The following SOBP variants were observed in gnomAD, a reference collection of about 807,000 sequenced individuals.
SOBP encodes the protein sine oculis-binding protein homolog.
In SOBP, 4 loss-of-function variants were observed where a neutral mutation model predicts 53.6. The observed-to-expected ratio is 0.07, with a 90% confidence interval of 0.04 to 0.17. SOBP has a LOEUF of 0.17. Ranked by LOEUF, SOBP falls within the 10% of genes least tolerant of loss-of-function variation. The pLI, the probability that SOBP is intolerant of heterozygous loss-of-function variation, is 1.00. For synonymous variants in SOBP, 584 were observed against 522.6 expected, an observed-to-expected ratio of 1.12 and a Z score of -1.60; for missense variants, 1,088 against 1,204.7, an observed-to-expected ratio of 0.90 and a Z score of 1.43.
At position 107,649,163 on chromosome 6, in the gene SOBP, CAAAAAAAAAAAA is replaced by C. The variant is rs61034738; in HGVS notation, c.*4-9028_*4-9017del. Among the ~76,000 whole-genome samples, 12 of 40,416 alleles carry C rather than the reference CAAAAAAAAAAAA, an allele frequency of 3.0e-4. No homozygotes were observed. The East Asian group carries it at 3.2e-3, about 11-fold the overall frequency. 26.5% of individuals were successfully genotyped at this position (40,416 alleles called of 152,430 possible). A position where few individuals can be genotyped will look rare whatever the true frequency, so the allele number is the denominator to read the frequency against. The stretch of plus-strand genomic sequence containing the variant: ...CAAGACCTTGCCCCGCCCCCACTAC[CAAAAAAAAAAAA>C]AAAAAAAAAAAAAAACCATCAGGAG... On this transcript the variant is annotated intron_variant, in intron 6 of 6. Coordinates refer to ENST00000317357, the MANE Select transcript of SOBP (RefSeq NM_018013.4).
intron 5 of SOBP, among the ~76,000 whole-genome samples, chr6:107,622,098 T>C (rs1770205832): frequency 6.6e-6 from 1 of 152,228 alleles, no homozygotes; most frequent in South Asian, 2.1e-4. Context: ...ACCTTACCTT[T>C]GTAATAATAC....
intron 6 of SOBP, among the ~76,000 whole-genome samples, chr6:107,638,273 C>T (rs904839088): frequency 6.6e-6 from 1 of 152,204 alleles, no homozygotes; most frequent in Non-Finnish European, 1.5e-5. Flanking sequence ...CGCAGTGGCG[C>T]GACCTTGGCT....
chr6:107,572,402 C>G (rs540185004), intron 4 of SOBP, among the ~76,000 whole-genome samples: 1 of 151,478 alleles, frequency 6.6e-6, no homozygotes, highest in African/African-American at 2.4e-5. Flanking sequence ...CTCCTGGGCT[C>G]AAGTGATTCT....
At chr6:107,568,041 T>C (rs572203478) in intron 4 of SOBP, among the ~76,000 whole-genome samples, 6 of 152,210 alleles carry the variant, frequency 3.9e-5, no homozygotes, top group Non-Finnish European at 8.8e-5. Context: ...AAGTATGTAA[T>C]ATGTCTTTCC....
At chr6:107,657,322 G>A (rs910662899) in intron 6 of SOBP, among the ~76,000 whole-genome samples, 3 of 152,280 alleles carry the variant, frequency 2.0e-5, no homozygotes, top group African/African-American at 7.2e-5. Context: ...CTTTCCTGGT[G>A]GAAAATCCTG....
At position 107,652,348 on chromosome 6, in the gene SOBP, A is replaced by G. The variant is rs1771836915; in HGVS notation, c.*4-5859A>G. On this transcript the variant is annotated intron_variant, in intron 6 of 6. Transcript: ENST00000317357. ...ATGACTTTGAAGGGTTCAAGAGTTC[A>G]GTGGAGGAAGTAGCTGCAGATATGA... 3.3e-5 allele frequency among the ~76,000 whole-genome samples: 5 copies of G among 152,254 alleles called. No homozygotes were observed. In the South Asian group the frequency reaches 1.0e-3, roughly 31 times the overall value.
At position 107,506,273 on chromosome 6, in the gene SOBP, G is replaced by A. The variant is rs1262115396; in HGVS notation, c.267G>A (p.Glu89=). The A allele has an allele frequency of 6.2e-7, 1 of 1,613,920 alleles. No homozygotes were observed. Among genetic ancestry groups the A allele is most frequent in the Non-Finnish European group, 8.5e-7 (1 of 1,180,026 alleles). Residue 89 remains glutamate, a synonymous_variant, in exon 3 of 7, where the codon GAG becomes GAA. Transcript: ENST00000317357. ...CTTTGCCAAAACCAAAATTACCCGAGGACAGTGTTATTTCACCATACAATA... is the reference window on the plus strand; with the variant it reads ...CTTTGCCAAAACCAAAATTACCCGAAGACAGTGTTATTTCACCATACAATA... The part of the protein sequence containing the change: ...ENSLPKPKLP[E]DSVISPYNIS...
At chr6:107,538,012 AATAAC>A in intron 4 of SOBP, among the ~76,000 whole-genome samples, 1 of 152,250 alleles carries the variant, frequency 6.6e-6, no homozygotes, top group Admixed American at 6.5e-5. Context: ...TCATTATAAT[AATAAC>A]ATAAATAATT....
intron 4 of SOBP, among the ~76,000 whole-genome samples, chr6:107,569,055 G>A (rs753734673): frequency 6.6e-6 from 1 of 152,164 alleles, no homozygotes; most frequent in Non-Finnish European, 1.5e-5. Context: ...TATTTGGGGG[G>A]CAGGTAAAGG....
At chr6:107,649,272 A>G (rs846968) in intron 6 of SOBP, among the ~76,000 whole-genome samples, 14,835 of 151,866 alleles carry the variant, frequency 0.098, 2,004 homozygotes, top group African/African-American at 0.3. Flanking sequence ...ACTTGAGCCC[A>G]AGAATTTGAG....
chr6:107,579,501 T>G (rs1785337015), intron 4 of SOBP, among the ~76,000 whole-genome samples: 2 of 152,218 alleles, frequency 1.3e-5, no homozygotes, highest in South Asian at 4.1e-4. Flanking sequence ...AGACACAGTT[T>G]TAATGTGCTG....
intron 4 of SOBP, among the ~76,000 whole-genome samples, chr6:107,547,768 C>G (rs1471576049): frequency 6.6e-6 from 1 of 152,032 alleles, no homozygotes; most frequent in Non-Finnish European, 1.5e-5. Flanking sequence ...CGGAGGCAGC[C>G]CTGGAAATGC....
intron 3 of SOBP, among the ~76,000 whole-genome samples, chr6:107,524,494 C>T (rs186486264): frequency 3.1e-4 from 47 of 152,336 alleles, no homozygotes; most frequent in African/African-American, 1.1e-3. Flanking sequence ...CTGTATTACT[C>T]TCTCTTTGCC....
intron 4 of SOBP, among the ~76,000 whole-genome samples, chr6:107,574,506 T>C (rs1785167446): frequency 6.6e-6 from 1 of 152,126 alleles, no homozygotes; most frequent in Non-Finnish European, 1.5e-5. Context: ...AATCTTTCAT[T>C]TGTGGGATGT....
chr6:107,589,781 T>A (rs1172006279), intron 5 of SOBP, among the ~76,000 whole-genome samples: 2 of 152,248 alleles, frequency 1.3e-5, no homozygotes, highest in South Asian at 4.1e-4. Context: ...CTATTTGATA[T>A]GTCACAATTC....
At chr6:107,505,095 AT>A (rs1782944998) in intron 2 of SOBP, among the ~76,000 whole-genome samples, 1 of 151,998 alleles carries the variant, frequency 6.6e-6, no homozygotes, top group Non-Finnish European at 1.5e-5. Flanking sequence ...TATTTTTGTT[AT>A]TTTTTAATGG....
At chr6:107,515,172 A>G (rs1427979330) in intron 3 of SOBP, 2 of 152,242 alleles carry the variant, frequency 1.3e-5, no homozygotes, top group Non-Finnish European at 2.9e-5. Flanking sequence ...CAGACAGAAG[A>G]AATAGAAAAC....
intron 6 of SOBP, among the ~76,000 whole-genome samples, chr6:107,638,669 G>A (rs2115157882): frequency 6.6e-6 from 1 of 152,326 alleles, no homozygotes; most frequent in South Asian, 2.1e-4. Context: ...CAAGTTAAAA[G>A]CCAAAGTGGA....
At chr6:107,606,007 T>A (rs1212666064) in intron 5 of SOBP, among the ~76,000 whole-genome samples, 4 of 151,454 alleles carry the variant, frequency 2.6e-5, no homozygotes, top group African/African-American at 9.7e-5. Flanking sequence ...CCACTACACA[T>A]TCACACACCC....
Sources: allele counts gnomAD v4.1 joint callset (sites outside exome capture counted in the v4.1 genomes callset), GRCh38; gene constraint gnomAD v4.1.1; transcripts MANE v1.5; gene names NCBI Gene and HGNC (gene_info 2026-07-23, HGNC 2026-07-21).